The following PTGIS variants were observed in gnomAD, a reference collection of about 807,000 sequenced individuals.
The protein encoded by PTGIS is prostacyclin synthase.
PTGIS carries 45 observed loss-of-function variants against 50.3 expected under a neutral mutation model. That is an observed-to-expected ratio of 0.90 (90% CI 0.70 to 1.15). The LOEUF is 1.15. PTGIS is among the 50% of genes most tolerant of loss of function. The pLI, the probability that PTGIS is intolerant of heterozygous loss-of-function variation, is 0.00. For synonymous variants in PTGIS, 260 were observed against 267.7 expected (o/e 0.97, Z 0.28); for missense variants, 668 against 661.3 (o/e 1.01, Z -0.11).
At position 49,524,148 on chromosome 20, in the gene PTGIS, C is replaced by A. The variant is rs1050638567; in HGVS notation, c.765G>T (p.Trp255Cys). 29 of 1,614,270 alleles carry A rather than the reference C, an allele frequency of 1.8e-5. No homozygotes were observed. The highest frequency in any genetic ancestry group is 2.4e-5 in the Non-Finnish European group (28 of 1,180,054). ...RLARRAHRSK[W>C]LESYLLHLEE... Reference sequence around the variant, plus strand: ...CCAGGTGCAGCAGGTAACTCTCCAGCCATTTGCTCCGGTGGGCCCGCCTGG... The same window carrying A: ...CCAGGTGCAGCAGGTAACTCTCCAGACATTTGCTCCGGTGGGCCCGCCTGG... The change falls in exon 6 of 10, where the codon TGG (tryptophan) becomes TGT (cysteine). Residue 255 changes from tryptophan to cysteine, a missense_variant. By Grantham distance (215) the Trp-to-Cys change is radical. Coordinates refer to ENST00000244043, the MANE Select transcript of PTGIS (RefSeq NM_000961.4).
At chr20:49,533,144 GAATA>G (rs1981977824) in intron 5 of PTGIS, among the ~76,000 whole-genome samples, 1 of 152,112 alleles carries the variant, frequency 6.6e-6, no homozygotes, top group Non-Finnish European at 1.5e-5. Context: ...ACCCAGACTT[GAATA>G]CCTCTCAAGT....
intron 3 of PTGIS, among the ~76,000 whole-genome samples, chr20:49,547,153 A>G (rs1270257740): frequency 6.6e-6 from 1 of 152,194 alleles, no homozygotes; most frequent in Non-Finnish European, 1.5e-5. Context: ...AATCGCCTGA[A>G]CCCGGGAGGC....
rs1276776459 is a variant in PTGIS at position 49,511,199 on chromosome 20, C to A, written c.1207-20G>T. ...AAATACCTGAAATAGGAAGAAGGTC[C>A]TTTTCTGACCCCATTCCCAGAACAA... On this transcript the variant is annotated intron_variant, in intron 8 of 9. Transcript: ENST00000244043. The A allele has an allele frequency of 6.2e-7, 1 of 1,613,538 alleles. No individual in the cohort carries two copies. Among genetic ancestry groups the A allele is most frequent in the Non-Finnish European group, 8.5e-7 (1 of 1,179,994 alleles).
At chr20:49,548,573 T>A (rs1256686706) in intron 2 of PTGIS, among the ~76,000 whole-genome samples, 2 of 151,438 alleles carry the variant, frequency 1.3e-5, no homozygotes, top group Non-Finnish European at 2.9e-5. Flanking sequence ...AAAGAATGGA[T>A]GGATGGATGG....
At chr20:49,556,744 C>A (rs1982629113) in intron 1 of PTGIS, among the ~76,000 whole-genome samples, 1 of 152,136 alleles carries the variant, frequency 6.6e-6, no homozygotes. Context: ...CTATAGTACA[C>A]CTGTTATTAG....
chr20:49,552,047 T>C (rs1398843020), intron 1 of PTGIS, among the ~76,000 whole-genome samples: 1 of 152,144 alleles, frequency 6.6e-6, no homozygotes, highest in Non-Finnish European at 1.5e-5. Flanking sequence ...GGTGCCAGAC[T>C]CCTTCTGGGG....
Position 49,511,019 on chromosome 20 carries a change from C to A in PTGIS, c.1358+9G>T. The A allele has an allele frequency of 6.2e-7, 1 of 1,612,412 alleles. No individual in the cohort carries two copies. The highest frequency in any genetic ancestry group is 2.2e-5 in the East Asian group (1 of 44,882). The stretch of plus-strand genomic sequence containing the variant: ...AGCCACCCTGGCCCTGCCCTGGCCC[C>A]CCACTCACTGTTTGATGCTGTTGAC... On this transcript the variant is annotated intron_variant, in intron 9 of 9. Transcript: ENST00000244043.
At chr20:49,537,168 A>G (rs770354953) in intron 5 of PTGIS, among the ~76,000 whole-genome samples, 1 of 152,162 alleles carries the variant, frequency 6.6e-6, no homozygotes, top group Non-Finnish European at 1.5e-5. Context: ...CTGGATTCCT[A>G]TGGACCTGGA....
intron 1 of PTGIS, among the ~76,000 whole-genome samples, chr20:49,564,564 T>C (rs1276489192): frequency 6.6e-6 from 1 of 152,218 alleles, no homozygotes. Context: ...GTCTAATATT[T>C]TTTAAATAAT....
At chr20:49,565,302 T>C (rs947009626) in intron 1 of PTGIS, among the ~76,000 whole-genome samples, 1 of 152,164 alleles carries the variant, frequency 6.6e-6, no homozygotes, top group East Asian at 1.9e-4. Flanking sequence ...CACATGGTTC[T>C]AAGACTTTTG....
At chr20:49,542,180 AGAG>A (rs1462463331) in intron 4 of PTGIS, among the ~76,000 whole-genome samples, 1 of 152,158 alleles carries the variant, frequency 6.6e-6, no homozygotes, top group Non-Finnish European at 1.5e-5. Context: ...AGGTGAGGAC[AGAG>A]GAGAACTTTG....
chr20:49,564,540 C>T (rs534181787), intron 1 of PTGIS, among the ~76,000 whole-genome samples: 4 of 152,264 alleles, frequency 2.6e-5, no homozygotes, highest in African/African-American at 9.6e-5. Flanking sequence ...TGTGAGCCAC[C>T]GTGCCCAGCC....
At chr20:49,557,580 A>G (rs1982649836) in intron 1 of PTGIS, among the ~76,000 whole-genome samples, 1 of 152,032 alleles carries the variant, frequency 6.6e-6, no homozygotes, top group Admixed American at 6.5e-5. Flanking sequence ...AAAAAGAAGA[A>G]AAGAAAAGAA....
At chr20:49,554,818 A>C (rs1278722332) in intron 1 of PTGIS, among the ~76,000 whole-genome samples, 2 of 152,200 alleles carry the variant, frequency 1.3e-5, no homozygotes, top group African/African-American at 4.8e-5. Context: ...AAAAATTATA[A>C]AAGTTTAGAA....
intron 1 of PTGIS, among the ~76,000 whole-genome samples, chr20:49,557,999 A>G (rs1406976785): frequency 6.6e-6 from 1 of 152,162 alleles, no homozygotes; most frequent in Non-Finnish European, 1.5e-5. Flanking sequence ...GGAAAAAGAA[A>G]CATCTAAATT....
intron 9 of PTGIS, among the ~76,000 whole-genome samples, chr20:49,508,426 G>A (rs960185975): frequency 3.9e-5 from 6 of 152,176 alleles, no homozygotes; most frequent in African/African-American, 7.2e-5. Context: ...AGCCTGGCCC[G>A]AGTCTGTGCA....
chr20:49,554,063 G>A (rs6019894), intron 1 of PTGIS, among the ~76,000 whole-genome samples: 3 of 152,174 alleles, frequency 2.0e-5, no homozygotes, highest in African/African-American at 7.2e-5. Flanking sequence ...ATTTTCTTAA[G>A]GTATTATTTT....
intron 1 of PTGIS, among the ~76,000 whole-genome samples, chr20:49,567,679 C>G (rs1325113172): frequency 2.0e-5 from 3 of 152,214 alleles, no homozygotes; most frequent in African/African-American, 7.2e-5. Context: ...CCGGGCCACG[C>G]AGAGGCTGTC....
At chr20:49,567,100 C>G (rs1246304975) in intron 1 of PTGIS, among the ~76,000 whole-genome samples, 1 of 152,154 alleles carries the variant, frequency 6.6e-6, no homozygotes, top group Non-Finnish European at 1.5e-5. Flanking sequence ...GGAGAGAGGA[C>G]TAGACTTCAG....
Sources: gnomAD v4.1 joint callset for allele counts (sites outside exome capture counted in the v4.1 genomes callset) on GRCh38, gnomAD v4.1.1 for gene constraint, MANE v1.5 for transcripts, NCBI Gene and HGNC (gene_info 2026-07-23, HGNC 2026-07-21) for gene names.